The following SMAP1 variants were observed in gnomAD, a reference collection of about 807,000 sequenced individuals.
SMAP1 encodes small ArfGAP 1, also known as stromal membrane-associated protein 1.
In SMAP1, 24 loss-of-function variants were observed where a neutral mutation model predicts 58.5. The ratio of observed to expected loss-of-function variants is 0.41; its 90% CI spans 0.30 to 0.58. The LOEUF (loss-of-function observed/expected upper bound fraction) is 0.58. Ranked by LOEUF, SMAP1 falls within the 20% of genes least tolerant of loss-of-function variation. The pLI, the probability that SMAP1 is intolerant of heterozygous loss-of-function variation, is 0.29. For missense variants in SMAP1, 563 were observed against 566.3 expected (o/e 0.99, Z 0.06); for synonymous variants, 216 against 196.6 (o/e 1.10, Z -0.82).
intron 1 of SMAP1, among the ~76,000 whole-genome samples, chr6:70,732,090 C>G (rs1328863696): frequency 3.3e-5 from 5 of 152,000 alleles, no homozygotes; most frequent in Non-Finnish European, 5.9e-5. Context: ...ATTCCTGATT[C>G]AAATATGCTA....
chr6:70,831,691 A>G (rs1452305712), intron 6 of SMAP1, among the ~76,000 whole-genome samples: 3 of 152,054 alleles, frequency 2.0e-5, no homozygotes, highest in Non-Finnish European at 2.9e-5. Context: ...GGTTGATTCC[A>G]TGTCTTTGCT....
At chr6:70,811,856 A>G (rs1769402399) in intron 6 of SMAP1, among the ~76,000 whole-genome samples, 1 of 152,280 alleles carries the variant, frequency 6.6e-6, no homozygotes, top group African/African-American at 2.4e-5. Context: ...TCTGCAGAGA[A>G]TATGTCCCAA....
rs1184839109 is a variant in SMAP1, at chr6:70,861,715, T to C, written c.*1381T>C. 4 of 1,614,150 alleles carry C rather than the reference T, an allele frequency of 2.5e-6. No individual in the cohort carries two copies. The Admixed American group carries it at 5.0e-5, about 20-fold the overall frequency. On this transcript the variant is annotated 3_prime_UTR_variant, in exon 11 of 11. Coordinates refer to ENST00000370455, the MANE Select transcript of SMAP1 (RefSeq NM_001044305.3). ...GTGGTACTTTGGCTCGTTGGCTAGA[T>C]TAACCTTCTCTGTCCGAGTGTGCCA...
At chr6:70,802,890 C>T (rs1289417804) in intron 6 of SMAP1, among the ~76,000 whole-genome samples, 2 of 151,672 alleles carry the variant, frequency 1.3e-5, no homozygotes, top group African/African-American at 4.8e-5. Context: ...TTTCGATGTG[C>T]TGCTGGATTC....
intron 6 of SMAP1, among the ~76,000 whole-genome samples, chr6:70,804,459 G>C (rs1436651654): frequency 8.5e-5 from 13 of 152,088 alleles, no homozygotes; most frequent in Admixed American, 8.5e-4. Flanking sequence ...CAGTTTGCCA[G>C]TCTGTGTCTT....
intron 7 of SMAP1, among the ~76,000 whole-genome samples, chr6:70,838,478 A>G (rs942188346): frequency 6.6e-6 from 1 of 152,248 alleles, no homozygotes; most frequent in Non-Finnish European, 1.5e-5. Context: ...TAAATACTAT[A>G]GATGAAAGAA....
At chr6:70,789,438 CT>C (rs1768239881) in intron 4 of SMAP1, among the ~76,000 whole-genome samples, 1 of 147,746 alleles carries the variant, frequency 6.8e-6, no homozygotes, top group Non-Finnish European at 1.5e-5. Context: ...TTCATACACA[CT>C]GTGTACCCTT....
At chr6:70,709,397 A>T (rs1767964587) in intron 1 of SMAP1, among the ~76,000 whole-genome samples, 1 of 152,042 alleles carries the variant, frequency 6.6e-6, no homozygotes, top group African/African-American at 2.4e-5. Context: ...AGAATACAGT[A>T]GCACGATCAT....
intron 3 of SMAP1, among the ~76,000 whole-genome samples, chr6:70,757,206 A>G (rs1467686224): frequency 1.3e-5 from 2 of 149,928 alleles, no homozygotes; most frequent in Non-Finnish European, 1.5e-5. Flanking sequence ...GCCCTCAGAA[A>G]TAACGCCGCA....
chr6:70,767,963 G>A (rs1398071319), intron 3 of SMAP1, among the ~76,000 whole-genome samples: 1 of 148,804 alleles, frequency 6.7e-6, no homozygotes, highest in East Asian at 1.9e-4. Flanking sequence ...AGCATGAAGG[G>A]TTGTTGAATT....
chr6:70,782,149 T>C (rs911295083), intron 4 of SMAP1, among the ~76,000 whole-genome samples: 24 of 152,206 alleles, frequency 1.6e-4, no homozygotes, highest in African/African-American at 4.8e-4. Context: ...CAGAGTCTTA[T>C]ACTCTACATG....
chr6:70,705,223 A>G (rs1189885271), intron 1 of SMAP1, among the ~76,000 whole-genome samples: 1 of 150,000 alleles, frequency 6.7e-6, no homozygotes. Context: ...TTTGAATGAA[A>G]TTTTCTCCAA....
rs766706956 is a variant in SMAP1 at position 70,856,903 on chromosome 6, A to T, written c.834A>T (p.Thr278=). The change falls in exon 9 of 11, where the codon ACA becomes ACT. Residue 278 remains threonine (T), a synonymous_variant. Coordinates refer to ENST00000370455, the MANE Select transcript of SMAP1 (RefSeq NM_001044305.3). ...CAGCTGCAACCCTGTCTACAGTAAC[A>T]TCTGGGGATCTAGATTTATTCACTG... is the stretch of plus-strand genomic sequence containing the variant. ...APAAATLSTV[T]SGDLDLFTEQ... The T allele has an allele frequency of 6.2e-7, 1 of 1,613,956 alleles. No individual in the cohort carries two copies. Among genetic ancestry groups the T allele is most frequent in the South Asian group, 1.1e-5 (1 of 91,060 alleles).
chr6:70,688,298 T>G (rs936311004), intron 1 of SMAP1, among the ~76,000 whole-genome samples: 1 of 152,180 alleles, frequency 6.6e-6, no homozygotes, highest in Non-Finnish European at 1.5e-5. Context: ...ATGTAGGTTT[T>G]TATTTCTCTG....
chr6:70,775,942 T>C (rs1225530991), intron 4 of SMAP1, among the ~76,000 whole-genome samples: 1 of 152,182 alleles, frequency 6.6e-6, no homozygotes, highest in Non-Finnish European at 1.5e-5. Context: ...GAATTACATA[T>C]TTCTGTTCAG....
At chr6:70,814,584 T>G (rs575674764) in intron 6 of SMAP1, among the ~76,000 whole-genome samples, 3 of 152,170 alleles carry the variant, frequency 2.0e-5, no homozygotes, top group African/African-American at 4.8e-5. Flanking sequence ...TCCTATTGTT[T>G]CCTTTCGTCT....
intron 2 of SMAP1, among the ~76,000 whole-genome samples, chr6:70,744,782 C>A (rs1765957905): frequency 6.6e-6 from 1 of 152,202 alleles, no homozygotes; most frequent in African/African-American, 2.4e-5. Context: ...AATTTACAGT[C>A]CCACCAACAG....
rs770626839 is a variant in SMAP1, at chr6:70,668,083, C to T, written c.60C>T (p.Ile20=). ...AGCTGAACGAGCAGCACCAGCTCAT[C>T]CTATCCAAGCTTCTGAGGGAGGAGG... ...AQKLNEQHQL[I]LSKLLREEDN... Residue 20 remains isoleucine (I), a synonymous_variant, in exon 1 of 11, where the codon ATC becomes ATT. Transcript: ENST00000370455. 2 of 1,605,954 alleles carry T rather than the reference C, an allele frequency of 1.2e-6. No individual in the cohort carries two copies. The highest frequency in any genetic ancestry group is 2.3e-5 in the East Asian group (1 of 43,958).
At position 70,847,386 on chromosome 6, in the gene SMAP1, C is replaced by T. The variant is rs532270499; in HGVS notation, c.665-5154C>T. Among the ~76,000 whole-genome samples the T allele has an allele frequency of 3.2e-4, 49 of 152,284 alleles. No homozygotes were observed. In the South Asian group the frequency reaches 3.5e-3, roughly 11 times the overall value. ...TTTCTGCAGCTGAAAACATTTTAAC[C>T]TTTTCCTGTCGGTTTCTCATATGTG... On this transcript the variant is annotated intron_variant, in intron 7 of 10. Coordinates refer to ENST00000370455, the MANE Select transcript of SMAP1 (RefSeq NM_001044305.3).
Sources: gnomAD v4.1 joint callset for allele counts (sites outside exome capture counted in the v4.1 genomes callset) on GRCh38, gnomAD v4.1.1 for gene constraint, MANE v1.5 for transcripts, NCBI Gene and HGNC (gene_info 2026-07-23, HGNC 2026-07-21) for gene names.